Variants in TEC observed in about 807,000 individuals in gnomAD.
TEC encodes tyrosine-protein kinase Tec.
In TEC, 72 loss-of-function variants were observed where a neutral mutation model predicts 93.0. That is an observed-to-expected ratio of 0.77 (90% CI 0.64 to 0.94). TEC has a LOEUF of 0.94. Among genes scored for constraint, TEC ranks in the 40% least tolerant of loss-of-function variants. The pLI is 0.00. For missense variants in TEC, 630 were observed against 757.9 expected (o/e 0.83, Z 1.98); for synonymous variants, 249 against 247.7 (o/e 1.01, Z -0.05).
At chr4:48,191,227 T>C (rs921130238) in intron 2 of TEC, among the ~76,000 whole-genome samples, 4 of 152,260 alleles carry the variant, frequency 2.6e-5, no homozygotes, top group African/African-American at 9.6e-5. Flanking sequence ...GCATAATTTA[T>C]CTGGACCCTC....
intron 1 of TEC, among the ~76,000 whole-genome samples, chr4:48,256,584 G>C (rs12508645): frequency 0.4 from 49,074 of 121,410 alleles, 10,290 homozygotes; most frequent in Middle Eastern, 0.52. Flanking sequence ...AACAGAGCGA[G>C]ACCTTGTCTC....
chr4:48,244,136 C>T (rs1577667814), intron 1 of TEC, among the ~76,000 whole-genome samples: 1 of 152,240 alleles, frequency 6.6e-6, no homozygotes, highest in Admixed American at 6.5e-5. Flanking sequence ...TAAGAAACAG[C>T]TTATATTAAT....
chr4:48,245,762 G>C (rs550245253), intron 1 of TEC, among the ~76,000 whole-genome samples: 1 of 151,856 alleles, frequency 6.6e-6, no homozygotes, highest in Non-Finnish European at 1.5e-5. Context: ...CTCATTCCCC[G>C]ACTTCTAGGA....
At chr4:48,218,652 C>T (rs944144327) in intron 2 of TEC, among the ~76,000 whole-genome samples, 3 of 152,114 alleles carry the variant, frequency 2.0e-5, no homozygotes, top group Non-Finnish European at 2.9e-5. Flanking sequence ...ACCTAATATA[C>T]GAATATAACT....
Position 48,170,373 on chromosome 4 carries a change from A to G in TEC, c.329T>C (p.Ile110Thr). 7.3e-7 allele frequency: 1 copy of G among 1,376,362 alleles called. No individual in the cohort carries two copies. The highest frequency in any genetic ancestry group is 1.0e-6 in the Non-Finnish European group (1 of 978,640). The allele number at this position is 1,376,362 out of a possible 1,614,324, so 85.3% of individuals were successfully genotyped here. Residue 110 changes from isoleucine (I) to threonine (T), a missense_variant, in exon 5 of 18, where the codon ATA (isoleucine) becomes ACA (threonine). Physicochemically the swap from Ile to Thr is moderately conservative, Grantham distance 89 (BLOSUM62 -1). This residue lies in a region of TEC where 335 missense variants were observed against 351.5 expected (regional missense o/e 0.95). Coordinates refer to ENST00000381501, the MANE Select transcript of TEC (RefSeq NM_003215.3). ...DLWVKKLKEE[I>T]KNNNNIMIKY... ...AATCATAATATTATTGTTGTTCTTT[A>G]TTTCTGTAATTCACAGATATAGTAA...
intron 1 of TEC, among the ~76,000 whole-genome samples, chr4:48,256,081 C>A (rs1201430765): frequency 6.6e-6 from 1 of 152,148 alleles, no homozygotes; most frequent in Non-Finnish European, 1.5e-5. Flanking sequence ...ACATATGACT[C>A]CAAGGTAAAC....
At chr4:48,208,198 T>C (rs1282843604) in intron 2 of TEC, among the ~76,000 whole-genome samples, 3 of 152,144 alleles carry the variant, frequency 2.0e-5, no homozygotes, top group Admixed American at 1.3e-4. Flanking sequence ...AATAACAATT[T>C]CTCCATCTGA....
rs115170697 is a variant in TEC at position 48,232,279 on chromosome 4, A to C, written c.-45-3620T>G. ...GCTACAGTCTGAGTGACAGGGCAAGACTCTGTCTCAAAAAAACAAAAAAAA... is the reference window on the plus strand; with the variant it reads ...GCTACAGTCTGAGTGACAGGGCAAGCCTCTGTCTCAAAAAAACAAAAAAAA... On this transcript the variant is annotated intron_variant, in intron 1 of 17. Transcript: ENST00000381501. Among the ~76,000 whole-genome samples the C allele has an allele frequency of 2.4e-3, 357 of 149,768 alleles. 2 individuals carry two copies. The highest frequency in any genetic ancestry group is 8.6e-3 in the African/African-American group (345 of 39,970).
At chr4:48,148,654 A>G (rs1335693566) in intron 11 of TEC, among the ~76,000 whole-genome samples, 1 of 152,216 alleles carries the variant, frequency 6.6e-6, no homozygotes, top group Non-Finnish European at 1.5e-5. Context: ...TGTCAAGGAC[A>G]TATATACCAC....
intron 2 of TEC, among the ~76,000 whole-genome samples, chr4:48,226,401 C>A (rs1170637573): frequency 2.6e-5 from 4 of 152,094 alleles, no homozygotes; most frequent in African/African-American, 9.7e-5. Flanking sequence ...CCCCTTCAAC[C>A]TCCTCCACAT....
intron 2 of TEC, among the ~76,000 whole-genome samples, chr4:48,211,835 T>C (rs1722910016): frequency 6.6e-6 from 1 of 152,058 alleles, no homozygotes; most frequent in South Asian, 2.1e-4. Context: ...CAGTGGCTCA[T>C]GCCTGTAATC....
At chr4:48,226,414 TC>T (rs1275485225) in intron 2 of TEC, among the ~76,000 whole-genome samples, 1 of 151,526 alleles carries the variant, frequency 6.6e-6, no homozygotes, top group Non-Finnish European at 1.5e-5. Context: ...CTCCACATCT[TC>T]CCCCTCTGTC....
At chr4:48,261,954 AATC>A (rs141711528) in intron 1 of TEC, among the ~76,000 whole-genome samples, 12,475 of 152,138 alleles carry the variant, frequency 0.082, 661 homozygotes, top group South Asian at 0.19. Flanking sequence ...AAACTAAGAT[AATC>A]ATAACACTAT....
At chr4:48,186,854 G>A (rs1267228066) in intron 2 of TEC, among the ~76,000 whole-genome samples, 1 of 141,246 alleles carries the variant, frequency 7.1e-6, no homozygotes, top group Non-Finnish European at 1.5e-5. Flanking sequence ...TCTGGGAGGT[G>A]GGGGGCGCCT....
chr4:48,199,825 T>C (rs1029857227), intron 2 of TEC, among the ~76,000 whole-genome samples: 4 of 152,186 alleles, frequency 2.6e-5, no homozygotes, highest in Non-Finnish European at 5.9e-5. Context: ...TACTAACTTT[T>C]CTTCAAGGTT....
chr4:48,168,495 G>A (rs948539966), intron 6 of TEC, 91 bp downstream of exon 6: 34 of 1,329,984 alleles, frequency 2.6e-5, no homozygotes, highest in East Asian at 4.7e-5. Context: ...TGAATAAACC[G>A]CATACTCAGT....
intron 2 of TEC, among the ~76,000 whole-genome samples, chr4:48,187,049 G>T (rs1053075989): frequency 6.6e-6 from 1 of 152,264 alleles, no homozygotes. Context: ...TGTGTAGAAA[G>T]AAGTAGACCT....
At chr4:48,149,977 AGCTACT>A (rs1446882092) in intron 10 of TEC, among the ~76,000 whole-genome samples, 4 of 152,246 alleles carry the variant, frequency 2.6e-5, no homozygotes, top group African/African-American at 7.2e-5. Context: ...AGCTATTAGC[AGCTACT>A]GCTTTTTGTT....
In TEC at chr4:48,193,070, C is replaced by T. The variant is rs527549875; in HGVS notation, c.139-16884G>A. Among the ~76,000 whole-genome samples the T allele has an allele frequency of 8.0e-4, 122 of 152,186 alleles. No individual in the cohort carries two copies. In the South Asian group the frequency reaches 0.011, roughly 14 times the overall value. ...AATAAATAAATAGGAGAGGACTCAA[C>T]TAAGTGGAATTGCTGAGCAGTTAGA... On this transcript the variant is annotated intron_variant, in intron 2 of 17. Transcript: ENST00000381501.
Sources: gnomAD v4.1 joint callset for allele counts (sites outside exome capture counted in the v4.1 genomes callset) on GRCh38, gnomAD v4.1.1 for gene constraint, gnomAD v4.1.1 regional missense constraint, MANE v1.5 for transcripts, NCBI Gene and HGNC (gene_info 2026-07-23, HGNC 2026-07-21) for gene names.